CALM2: variants seen among roughly 807,000 people sequenced by gnomAD.
The protein encoded by CALM2 is calmodulin 2, also known as calmodulin-2.
CALM2 carries 2 observed loss-of-function variants against 19.8 expected under a neutral mutation model. The ratio of observed to expected loss-of-function variants is 0.10; its 90% CI spans 0.04 to 0.32. The LOEUF is 0.32. Among genes scored for constraint, CALM2 ranks in the 10% least tolerant of loss-of-function variants. CALM2 has a pLI of 1.00. For missense variants in CALM2, 38 were observed against 178.7 expected, an observed-to-expected ratio of 0.21 and a Z score of 4.49; for synonymous variants, 51 against 52.1, an observed-to-expected ratio of 0.98 and a Z score of 0.09.
chr2:47,170,820 T>G (rs966651490), intron 1 of CALM2, 56 bp from the exon 2 acceptor site: 25 of 1,447,770 alleles, frequency 1.7e-5, no homozygotes, highest in Non-Finnish European at 2.3e-5. Flanking sequence ...GATTAGCAGT[T>G]ACAGAAACAA....
At chr2:47,170,691 T>C (rs182367895) in intron 2 of CALM2, 43 bp downstream of exon 2, 1 of 1,514,324 alleles carries the variant, frequency 6.6e-7, no homozygotes, top group Admixed American at 1.7e-5. Context: ...ATTCAATTTA[T>C]AATAAGAATC....
In CALM2 at chr2:47,161,423, A is replaced by G. The variant is rs1687151007; in HGVS notation, c.421+300T>C. On this transcript the variant is annotated intron_variant, in intron 5 of 5. Coordinates refer to ENST00000272298, the MANE Select transcript of CALM2 (RefSeq NM_001743.6). ...TTCCACATTGTTCCACAATCACACA[A>G]ACACTGAACAGTGCTTCTCAAACTT... Among the ~76,000 whole-genome samples, 4 of 152,220 alleles carry G rather than the reference A, an allele frequency of 2.6e-5. No individual in the cohort carries two copies. The South Asian group carries it at 8.3e-4, about 31-fold the overall frequency.
At position 47,176,268 on chromosome 2, in the gene CALM2, G is replaced by A. The variant is rs1021919012; in HGVS notation, c.3+173C>T. On this transcript the variant is annotated intron_variant, in intron 1 of 5. Transcript: ENST00000272298. ...AGCCCCCCTGAAGAGAATGGGGGTG[G>A]GGGAGCACCTGCGACACAACCGTCG... 4.2e-6 allele frequency: 3 copies of A among 707,716 alleles called. No individual in the cohort carries two copies. In the African/African-American group the frequency reaches 5.4e-5, roughly 13 times the overall value. 43.8% of individuals were successfully genotyped at this position (707,716 alleles called of 1,614,324 possible). A position where few individuals can be genotyped will look rare whatever the true frequency, so the allele number is the denominator to read the frequency against.
At chr2:47,167,502 T>C (rs1294618616) in intron 2 of CALM2, 1 of 179,690 alleles carries the variant, frequency 5.6e-6, no homozygotes, top group South Asian at 8.8e-5. Context: ...AAGACCAGCC[T>C]GGCCAACATG....
chr2:47,164,512 G>A (rs1666393101), intron 2 of CALM2, among the ~76,000 whole-genome samples: 1 of 151,740 alleles, frequency 6.6e-6, no homozygotes, highest in South Asian at 2.1e-4. Context: ...CAGCAGAACT[G>A]CTTGAACCCG....
chr2:47,176,752 C>A, upstream of CALM2: 1 of 985,396 alleles, frequency 1.0e-6, no homozygotes, highest in Non-Finnish European at 1.2e-6. Flanking sequence ...GGTGGAGCGG[C>A]CCCTGAGGGG....
chr2:47,163,097 A>G (rs1003730969), intron 2 of CALM2: 1 of 155,458 alleles, frequency 6.4e-6, no homozygotes, highest in Non-Finnish European at 1.4e-5. Flanking sequence ...CTACACTCAC[A>G]AAACAAAAAT....
intron 1 of CALM2, chr2:47,172,550 C>A: frequency 2.0e-6 from 2 of 1,006,236 alleles, no homozygotes; most frequent in Admixed American, 2.9e-5. Flanking sequence ...ATTTCCACAC[C>A]GAATGTAGAC....
intron 4 of CALM2, 99 bp downstream of exon 4, chr2:47,162,187 A>ACC: frequency 2.2e-6 from 1 of 452,322 alleles, no homozygotes; most frequent in Non-Finnish European, 3.8e-6. Flanking sequence ...AAAAAAAAAA[A>ACC]AAAAAAAAAA....
In CALM2 at chr2:47,175,097, T is replaced by TTTTTTTTTC. The variant is rs751897252; in HGVS notation, c.3+1343_3+1344insGAAAAAAAA. Among the ~76,000 whole-genome samples, 479 of 126,508 alleles carry TTTTTTTTTC rather than the reference T, an allele frequency of 3.8e-3. 6 individuals carry two copies. The highest frequency in any genetic ancestry group is 7.8e-3 in the African/African-American group (199 of 25,470). The allele number at this position is 126,508 out of a possible 152,430, so 83.0% of individuals were successfully genotyped here. On this transcript the variant is annotated intron_variant, in intron 1 of 5. Coordinates refer to ENST00000272298, the MANE Select transcript of CALM2 (RefSeq NM_001743.6). The stretch of plus-strand genomic sequence containing the variant: ...TCATTAGGTGTTTTTTTTTTTTTTT[T>TTTTTTTTTC]TCAGGAAAGAACATGATCTCCCAGT...
intron 1 of CALM2, among the ~76,000 whole-genome samples, chr2:47,175,706 T>A (rs1469353154): frequency 6.9e-6 from 1 of 145,068 alleles, no homozygotes; most frequent in Admixed American, 6.8e-5. Flanking sequence ...TCCCCGCCAA[T>A]GGCCCCGCAG....
In CALM2 at chr2:47,160,410, C is replaced by T; in HGVS notation, c.*366G>A. ...TATTGTTGACTGTCCATAGTCCACG[C>T]AGAGTTACAACTCCACACTTCAACA... On this transcript the variant is annotated 3_prime_UTR_variant, in exon 6 of 6. Transcript: ENST00000272298. 1 of 179,144 alleles carries T rather than the reference C, an allele frequency of 5.6e-6. No individual in the cohort carries two copies. 11.1% of individuals were successfully genotyped at this position (179,144 alleles called of 1,614,324 possible). A position where few individuals can be genotyped will look rare whatever the true frequency, so the allele number is the denominator to read the frequency against.
intron 1 of CALM2, among the ~76,000 whole-genome samples, chr2:47,174,557 T>C (rs1393629576): frequency 2.6e-5 from 4 of 152,144 alleles, no homozygotes; most frequent in Non-Finnish European, 5.9e-5. Flanking sequence ...TTTTCGACTT[T>C]GTCTCTTATA....
chr2:47,175,694 C>T (rs1666836384), intron 1 of CALM2, among the ~76,000 whole-genome samples: 1 of 151,140 alleles, frequency 6.6e-6, no homozygotes, highest in Non-Finnish European at 1.5e-5. Context: ...CTCCCCCGCC[C>T]ATCCCCGCCA....
At chr2:47,171,110 C>G (rs1386269681) in intron 1 of CALM2, 2 of 198,008 alleles carry the variant, frequency 1.0e-5, no homozygotes, top group Non-Finnish European at 2.1e-5. Flanking sequence ...CAAAATGCTT[C>G]AGGCTCACAA....
At chr2:47,162,843 G>A (rs1005563403) in intron 2 of CALM2, 181 bp from the exon 3 acceptor site, 21 of 506,078 alleles carry the variant, frequency 4.1e-5, no homozygotes, top group South Asian at 1.1e-4. Flanking sequence ...AACTTTTAAC[G>A]GAAAAATACC....
chr2:47,176,632 C>G (rs1200316544), upstream of CALM2: 46 of 1,496,516 alleles, frequency 3.1e-5, no homozygotes, highest in Non-Finnish European at 3.1e-5. Flanking sequence ...TCAAACTCTT[C>G]TCGGGACCCC....
chr2:47,160,860 A>G, intron 5 of CALM2, 56 bp from the exon 6 acceptor site: 1 of 913,962 alleles, frequency 1.1e-6, no homozygotes. Context: ...CAAAAAAAAA[A>G]AAAAAAAAAA....
chr2:47,166,665 C>G (rs1334932672), intron 2 of CALM2, among the ~76,000 whole-genome samples: 3 of 151,880 alleles, frequency 2.0e-5, no homozygotes, highest in African/African-American at 7.3e-5. Flanking sequence ...ATAATAAACC[C>G]CAAAGTAAAA....
Sources: gnomAD v4.1 joint callset for allele counts (sites outside exome capture counted in the v4.1 genomes callset) on GRCh38, gnomAD v4.1.1 for gene constraint, MANE v1.5 for transcripts, NCBI Gene and HGNC (gene_info 2026-07-23, HGNC 2026-07-21) for gene names.